The following AFF4 variants were observed in gnomAD, a reference collection of about 807,000 sequenced individuals.
The protein encoded by AFF4 is AF4/FMR2 family member 4.
A neutral mutation model predicts 124.8 loss-of-function variants in AFF4; 13 were observed. That is an observed-to-expected ratio of 0.10 (90% CI 0.07 to 0.17). AFF4 has a LOEUF of 0.17. Among genes scored for constraint, AFF4 ranks in the 10% least tolerant of loss-of-function variants. AFF4 has a pLI of 1.00. For missense variants in AFF4, 1,092 were observed against 1,403.8 expected, an observed-to-expected ratio of 0.78 and a Z score of 3.55; for synonymous variants, 477 against 496.1, an observed-to-expected ratio of 0.96 and a Z score of 0.51.
Position 132,938,974 on chromosome 5 carries a change from T to C in AFF4, c.-4-1781A>G, listed in dbSNP as rs1464687126. On this transcript the variant is annotated intron_variant, in intron 1 of 20. Transcript: ENST00000265343. The stretch of plus-strand genomic sequence containing the variant: ...AAAAAAAAAAAAAAAGGCAATTTAA[T>C]GTTTAGAAAAAAAAAAAAAAAAGGG... 2.8e-5 allele frequency among the ~76,000 whole-genome samples: 3 copies of C among 106,234 alleles called. No individual in the cohort carries two copies. In the South Asian group the frequency reaches 9.0e-4, roughly 32 times the overall value. 69.7% of individuals were successfully genotyped at this position (106,234 alleles called of 152,430 possible).
intron 7 of AFF4, among the ~76,000 whole-genome samples, chr5:132,900,355 G>A (rs1300907534): frequency 1.3e-5 from 2 of 152,250 alleles, no homozygotes; most frequent in African/African-American, 4.8e-5. Flanking sequence ...TCATGAGTTC[G>A]AGACCAGCCA....
chr5:132,956,090 G>A (rs575711362), intron 1 of AFF4, among the ~76,000 whole-genome samples: 2 of 151,956 alleles, frequency 1.3e-5, no homozygotes, highest in East Asian at 3.9e-4. Context: ...CAGCCACCAA[G>A]TAAATGGGGA....
At chr5:132,921,871 G>A (rs959784204) in intron 5 of AFF4, among the ~76,000 whole-genome samples, 4 of 151,518 alleles carry the variant, frequency 2.6e-5, no homozygotes, top group African/African-American at 9.7e-5. Flanking sequence ...GCCTCAACCA[G>A]CTGCAGTCAA....
intron 11 of AFF4, among the ~76,000 whole-genome samples, chr5:132,894,883 G>A (rs1760349292): frequency 6.6e-6 from 1 of 152,182 alleles, no homozygotes; most frequent in Non-Finnish European, 1.5e-5. Flanking sequence ...GAACCCGGCA[G>A]TTTGAGGTTG....
Position 132,895,682 on chromosome 5 carries a change from C to T in AFF4, c.2307+641G>A, listed in dbSNP as rs1452743556. The stretch of plus-strand genomic sequence containing the variant: ...CACAGTCTCTATATATGTAGTGATT[C>T]AGATCTCTTCATTGTACGATTATTA... On this transcript the variant is annotated intron_variant, in intron 11 of 20. Transcript: ENST00000265343. 2.0e-5 allele frequency among the ~76,000 whole-genome samples: 3 copies of T among 152,206 alleles called. 1 individual carries two copies. The highest frequency in any genetic ancestry group is 4.4e-5 in the Non-Finnish European group (3 of 68,042).
Position 132,896,692 on chromosome 5 carries a change from T to C in AFF4, c.1938A>G (p.Thr646=). 6.2e-7 allele frequency: 1 copy of C among 1,614,182 alleles called. No individual in the cohort carries two copies. Among genetic ancestry groups the C allele is most frequent in the East Asian group, 2.2e-5 (1 of 44,890 alleles). Residue 646 remains threonine (T), a synonymous_variant, in exon 11 of 21, where the codon ACA becomes ACG. Coordinates refer to ENST00000265343, the MANE Select transcript of AFF4 (RefSeq NM_014423.4). ...CATCTGAATCTGAGGATGAGGTATC[T>C]GTTTCTATGATTTCCCTTGATTTCT... ...SSQKSREIIE[T]DTSSSDSDES...
rs138890736 is a variant in AFF4 at position 132,929,563 on chromosome 5, C to A, written c.964-2356G>T. Among the ~76,000 whole-genome samples, 1,067 of 152,010 alleles carry A rather than the reference C, an allele frequency of 7.0e-3. 15 individuals are homozygous for A. Among genetic ancestry groups the A allele is most frequent in the South Asian group, 0.025 (121 of 4,818 alleles). On this transcript the variant is annotated intron_variant, in intron 4 of 20. Coordinates refer to ENST00000265343, the MANE Select transcript of AFF4 (RefSeq NM_014423.4). ...ATCTGATACGGGGGAAGAAGTATTT[C>A]ATTGGGATTACAGGGAAAAAAAATC...
chr5:132,955,732 C>G (rs1001309831), intron 1 of AFF4, among the ~76,000 whole-genome samples: 2 of 134,204 alleles, frequency 1.5e-5, no homozygotes, highest in African/African-American at 5.7e-5. Flanking sequence ...GAGCCAAGAT[C>G]ATGCCACTGC....
In AFF4 at chr5:132,887,802, G is replaced by C. The variant is rs747366079; in HGVS notation, c.2933+44C>G. 8 of 1,605,880 alleles carry C rather than the reference G, an allele frequency of 5.0e-6. No individual in the cohort carries two copies. The South Asian group carries it at 7.8e-5, about 16-fold the overall frequency. ...TCAGCCTCTTCCTTGATGGACCAGA[G>C]AAATAATGTTATTGCCAATGATCTG... On this transcript the variant is annotated intron_variant, in intron 16 of 20. Transcript: ENST00000265343.
At position 132,878,011 on chromosome 5, in the gene AFF4, G is replaced by C. The variant is rs1048899409; in HGVS notation, c.*3048C>G. 9.0e-6 allele frequency: 2 copies of C among 223,440 alleles called. No homozygotes were observed. The highest frequency in any genetic ancestry group is 4.5e-5 in the African/African-American group (2 of 44,714). The allele number at this position is 223,440 out of a possible 1,614,324, so 13.8% of individuals were successfully genotyped here. On this transcript the variant is annotated 3_prime_UTR_variant, in exon 21 of 21. Coordinates refer to ENST00000265343, the MANE Select transcript of AFF4 (RefSeq NM_014423.4). Reference sequence around the variant, plus strand: ...ACACTAGAGAATTAAATAAATGGTGGTCAACCTTCTCCACTCTTCGGCAGC... The same window carrying C: ...ACACTAGAGAATTAAATAAATGGTGCTCAACCTTCTCCACTCTTCGGCAGC...
chr5:132,951,774 C>A (rs1304379200), intron 1 of AFF4, among the ~76,000 whole-genome samples: 4 of 152,028 alleles, frequency 2.6e-5, no homozygotes, highest in Admixed American at 2.0e-4. Context: ...GTGATCGGCC[C>A]ACCTCGGCCT....
At position 132,877,892 on chromosome 5, in the gene AFF4, A is replaced by C. The variant is rs897219322; in HGVS notation, c.*3167T>G. On this transcript the variant is annotated 3_prime_UTR_variant, in exon 21 of 21. Coordinates refer to ENST00000265343, the MANE Select transcript of AFF4 (RefSeq NM_014423.4). The stretch of plus-strand genomic sequence containing the variant: ...CTAATAAAGCCAAGTGTGTCATTCA[A>C]AGTGCAGCCCAAGTGCCTATGAATC... 1 of 223,672 alleles carries C rather than the reference A, an allele frequency of 4.5e-6. No individual in the cohort carries two copies. Among genetic ancestry groups the C allele is most frequent in the African/African-American group, 2.2e-5 (1 of 44,772 alleles). 13.9% of individuals were successfully genotyped at this position (223,672 alleles called of 1,614,324 possible). A position where few individuals can be genotyped will look rare whatever the true frequency, so the allele number is the denominator to read the frequency against.
At chr5:132,904,286 A>T in intron 6 of AFF4, 82 bp downstream of exon 6, 4 of 1,236,436 alleles carry the variant, frequency 3.2e-6, no homozygotes, top group Non-Finnish European at 4.6e-6. Context: ...GGTATTACTA[A>T]AGTTATATAT....
intron 1 of AFF4, among the ~76,000 whole-genome samples, chr5:132,950,141 C>T (rs12514058): frequency 0.13 from 18,943 of 151,532 alleles, 1,491 homozygotes; most frequent in Middle Eastern, 0.24. Context: ...ACCAGCCTGG[C>T]CAACATGGTG....
intron 1 of AFF4, among the ~76,000 whole-genome samples, chr5:132,960,275 T>C (rs1400028258): frequency 1.3e-5 from 2 of 152,056 alleles, no homozygotes; most frequent in Non-Finnish European, 2.9e-5. Flanking sequence ...CTTTATATCA[T>C]ATAGAAAAGT....
intron 7 of AFF4, among the ~76,000 whole-genome samples, chr5:132,901,800 A>G (rs1017010485): frequency 2.0e-5 from 3 of 152,168 alleles, no homozygotes; most frequent in African/African-American, 7.2e-5. Flanking sequence ...CAACTCTCAG[A>G]TGAGAAAAAA....
At chr5:132,940,274 C>G (rs1410108133) in intron 1 of AFF4, among the ~76,000 whole-genome samples, 1 of 151,626 alleles carries the variant, frequency 6.6e-6, no homozygotes, top group Non-Finnish European at 1.5e-5. Flanking sequence ...CGGAGGCGGG[C>G]AGATCACAAG....
intron 4 of AFF4, among the ~76,000 whole-genome samples, chr5:132,930,680 T>A (rs1401498646): frequency 6.6e-6 from 1 of 151,768 alleles, no homozygotes; most frequent in Non-Finnish European, 1.5e-5. Flanking sequence ...ATACAAGTAA[T>A]ATGTGACTGA....
rs775336427 is a variant in AFF4 at position 132,930,933 on chromosome 5, T to TAAA, written c.963+1242_963+1244dup. On this transcript the variant is annotated intron_variant, in intron 4 of 20. Transcript: ENST00000265343. ...CAACATGGTGAAACCCTATCTCTAC[T>TAAA]AAAAAAAAAAAAAAAAAAAAAAAAT... Among the ~76,000 whole-genome samples, 137 of 78,538 alleles carry TAAA rather than the reference T, an allele frequency of 1.7e-3. 2 individuals are homozygous for TAAA. Among genetic ancestry groups the TAAA allele is most frequent in the South Asian group, 6.6e-3 (14 of 2,126 alleles). 51.5% of individuals were successfully genotyped at this position (78,538 alleles called of 152,430 possible). A position where few individuals can be genotyped will look rare whatever the true frequency, so the allele number is the denominator to read the frequency against.
Sources: allele counts gnomAD v4.1 joint callset (sites outside exome capture counted in the v4.1 genomes callset), GRCh38; gene constraint gnomAD v4.1.1; transcripts MANE v1.5; gene names NCBI Gene and HGNC (gene_info 2026-07-23, HGNC 2026-07-21).